Variants in CACNA1A observed in about 807,000 individuals in gnomAD.
CACNA1A encodes calcium voltage-gated channel subunit alpha1 A.
A neutral mutation model predicts 262.4 loss-of-function variants in CACNA1A; 57 were observed. The observed-to-expected ratio is 0.22, with a 90% CI of 0.18 to 0.27. CACNA1A has a LOEUF of 0.27. CACNA1A is among the 10% of genes least tolerant of loss of function. The pLI, the probability that CACNA1A is intolerant of heterozygous loss-of-function variation, is 1.00. For synonymous variants in CACNA1A, 1,431 were observed against 1,419.3 expected, an observed-to-expected ratio of 1.01 and a Z score of -0.18; for missense variants, 2,526 against 3,562.8, an observed-to-expected ratio of 0.71 and a Z score of 7.41.
intron 3 of CACNA1A, among the ~76,000 whole-genome samples, chr19:13,443,143 A>T (rs552095490): frequency 1.3e-5 from 2 of 152,040 alleles, no homozygotes; most frequent in South Asian, 4.2e-4. Flanking sequence ...TGCAGCCTTG[A>T]TCTTAAACTT....
At chr19:13,282,699 G>A (rs7247995) in intron 22 of CACNA1A, among the ~76,000 whole-genome samples, 1 of 151,120 alleles carries the variant, frequency 6.6e-6, no homozygotes, top group African/African-American at 2.5e-5. Flanking sequence ...CGGGGGGTTG[G>A]GGGGGCGCAT....
rs1015293932 is a variant in CACNA1A at position 13,359,596 on chromosome 19, C to A, written c.978+10G>T. ...TGATTGTCCACACACACTGTCCCAG[C>A]ATCACTTACATTGTAGAGGAGATCA... On this transcript the variant is annotated intron_variant, in intron 6 of 46. Transcript: ENST00000360228. The A allele has an allele frequency of 3.1e-6, 5 of 1,601,332 alleles. No homozygotes were observed. The African/African-American group carries it at 5.4e-5, about 17-fold the overall frequency.
chr19:13,316,708 C>T (rs2058134300), intron 11 of CACNA1A: 2 of 158,708 alleles, frequency 1.3e-5, no homozygotes, highest in African/African-American at 4.8e-5. Context: ...AAGGCATCCT[C>T]TCTTAACCAT....
chr19:13,366,766 G>A (rs1356067766), intron 4 of CACNA1A, among the ~76,000 whole-genome samples: 4 of 151,924 alleles, frequency 2.6e-5, no homozygotes, highest in Admixed American at 2.0e-4. Flanking sequence ...GCCAAGAGGC[G>A]GTGTCTTTTC....
chr19:13,227,616 G>C (rs542389911), intron 36 of CACNA1A, 89 bp from the exon 37 acceptor site: 2 of 530,862 alleles, frequency 3.8e-6, no homozygotes, highest in Admixed American at 3.8e-5. Context: ...GAGAGGTGGG[G>C]AGAAACAGAA....
chr19:13,341,409 A>G (rs917659927), intron 6 of CACNA1A, among the ~76,000 whole-genome samples: 1 of 152,062 alleles, frequency 6.6e-6, no homozygotes, highest in African/African-American at 2.4e-5. Flanking sequence ...CAGCTACTCT[A>G]TTTGTGGTTC....
intron 29 of CACNA1A, among the ~76,000 whole-genome samples, chr19:13,253,323 T>C (rs2056452228): frequency 6.6e-6 from 1 of 151,798 alleles, no homozygotes; most frequent in Non-Finnish European, 1.5e-5. Flanking sequence ...AACCTTTTTT[T>C]TTTTTTTTTG....
At chr19:13,449,829 G>A (rs952206681) in intron 3 of CACNA1A, among the ~76,000 whole-genome samples, 1 of 152,184 alleles carries the variant, frequency 6.6e-6, no homozygotes, top group South Asian at 2.1e-4. Context: ...GGAGAAAACA[G>A]GGATTAGAAA....
At chr19:13,209,108 A>C in intron 45 of CACNA1A, 99 bp from the exon 46 acceptor site, 2 of 1,491,210 alleles carry the variant, frequency 1.3e-6, no homozygotes, top group Non-Finnish European at 9.0e-7. Context: ...TGGGGGCCCT[A>C]GAGATCCCCT....
Position 13,389,918 on chromosome 19 carries a change from T to C in CACNA1A, c.540-18139A>G, listed in dbSNP as rs370851264. 4.6e-5 allele frequency among the ~76,000 whole-genome samples: 7 copies of C among 152,238 alleles called. No homozygotes were observed. In the South Asian group the frequency reaches 8.3e-4, roughly 18 times the overall value. On this transcript the variant is annotated intron_variant, in intron 3 of 46. Transcript: ENST00000360228. ...ACCTCTGCTTCCCAGGTTCAAGCAA[T>C]TCTCCTGCCTCAGCCTCTCGAGTAG...
chr19:13,385,037 G>A (rs35911609), intron 3 of CACNA1A, among the ~76,000 whole-genome samples: 54,730 of 151,660 alleles, frequency 0.36, 10,588 homozygotes, highest in African/African-American at 0.49. Context: ...AGCCACACAT[G>A]GCTATTTAAA....
chr19:13,312,614 C>G, intron 12 of CACNA1A, 55 bp downstream of exon 12: 1 of 1,021,706 alleles, frequency 9.8e-7, no homozygotes, highest in Non-Finnish European at 1.5e-6. Context: ...GTCCAGGTAT[C>G]TGTCATTCCA....
At chr19:13,277,179 G>A (rs887495375) in intron 22 of CACNA1A, 51 bp from the exon 23 acceptor site, 82 of 1,340,736 alleles carry the variant, frequency 6.1e-5, no homozygotes, top group Non-Finnish European at 8.0e-5. Flanking sequence ...TGTTCCAGCA[G>A]AGCCCCGGTA....
intron 30 of CACNA1A, among the ~76,000 whole-genome samples, chr19:13,249,838 C>T (rs1202610514): frequency 1.3e-5 from 2 of 149,052 alleles, no homozygotes; most frequent in Non-Finnish European, 3.0e-5. Flanking sequence ...GGTGCTAAAG[C>T]TGATGCCCCT....
chr19:13,463,848 A>G (rs149575696), intron 1 of CACNA1A, among the ~76,000 whole-genome samples: 1 of 152,326 alleles, frequency 6.6e-6, no homozygotes, highest in African/African-American at 2.4e-5. Context: ...ACTAAAAAAT[A>G]GTAGTGCAGA....
At chr19:13,290,780 T>G (rs1201095261) in intron 19 of CACNA1A, among the ~76,000 whole-genome samples, 2 of 151,616 alleles carry the variant, frequency 1.3e-5, no homozygotes, top group Non-Finnish European at 2.9e-5. Context: ...TTTCAGAGAG[T>G]GATATCCCTG....
At chr19:13,476,694 T>C (rs1404355129) in intron 1 of CACNA1A, among the ~76,000 whole-genome samples, 4 of 152,152 alleles carry the variant, frequency 2.6e-5, no homozygotes, top group Admixed American at 6.5e-5. Context: ...CTCAAAGTGG[T>C]AAATTTCATT....
intron 38 of CACNA1A, among the ~76,000 whole-genome samples, chr19:13,217,991 G>A (rs2055082082): frequency 1.4e-5 from 2 of 144,496 alleles, no homozygotes; most frequent in Non-Finnish European, 3.0e-5. Flanking sequence ...GCCTAGGCTG[G>A]TCTCGAACTC....
At chr19:13,217,951 TA>T (rs1491498531) in intron 38 of CACNA1A, among the ~76,000 whole-genome samples, 4 of 97,864 alleles carry the variant, frequency 4.1e-5, no homozygotes, top group East Asian at 3.0e-4. Context: ...TTTTTTTTTT[TA>T]AAAAAAAGAG....
Sources: gnomAD v4.1 joint callset for allele counts (sites outside exome capture counted in the v4.1 genomes callset) on GRCh38, gnomAD v4.1.1 for gene constraint, MANE v1.5 for transcripts, NCBI Gene and HGNC (gene_info 2026-07-23, HGNC 2026-07-21) for gene names.